Variants in RPRD1A observed in about 807,000 individuals in gnomAD.
RPRD1A encodes the protein regulation of nuclear pre-mRNA domain-containing protein 1A.
A neutral mutation model predicts 37.8 loss-of-function variants in RPRD1A; 9 were observed. The observed-to-expected ratio is 0.24, with a 90% CI of 0.14 to 0.42. The LOEUF (loss-of-function observed/expected upper bound fraction) is 0.42, where lower values mean the gene tolerates loss of function less well. RPRD1A is among the 10% of genes least tolerant of loss of function. The pLI is 1.00. For missense variants in RPRD1A, 255 were observed against 371.0 expected, an observed-to-expected ratio of 0.69 and a Z score of 2.57; for synonymous variants, 138 against 139.7, an observed-to-expected ratio of 0.99 and a Z score of 0.08.
At chr18:36,012,553 G>C (rs1041311996) in intron 6 of RPRD1A, among the ~76,000 whole-genome samples, 1 of 152,142 alleles carries the variant, frequency 6.6e-6, no homozygotes, top group Non-Finnish European at 1.5e-5. Context: ...ATACCATAAA[G>C]CCTCAGTGGG....
intron 1 of RPRD1A, among the ~76,000 whole-genome samples, chr18:36,035,706 T>C (rs1912138870): frequency 6.6e-6 from 1 of 152,174 alleles, no homozygotes; most frequent in African/African-American, 2.4e-5. Flanking sequence ...AACCCACTGA[T>C]CAATGAATAA....
intron 1 of RPRD1A, among the ~76,000 whole-genome samples, chr18:36,066,553 G>A (rs1432688880): frequency 6.6e-6 from 1 of 152,186 alleles, no homozygotes; most frequent in African/African-American, 2.4e-5. Context: ...GAATATTTTA[G>A]TGACAGACAT....
intron 1 of RPRD1A, among the ~76,000 whole-genome samples, chr18:36,049,684 CACT>C: frequency 6.6e-6 from 1 of 152,294 alleles, no homozygotes; most frequent in South Asian, 2.1e-4. Context: ...TGTATGTATA[CACT>C]ACATTATGTT....
chr18:36,050,189 G>A (rs972546639), intron 1 of RPRD1A, among the ~76,000 whole-genome samples: 6 of 151,576 alleles, frequency 4.0e-5, no homozygotes, highest in Admixed American at 2.0e-4. Flanking sequence ...TGTACTTAAC[G>A]CCACCGAACT....
Position 35,993,214 on chromosome 18 carries a change from C to A in RPRD1A, c.876G>T (p.Leu292Phe), listed in dbSNP as rs748368061. 1.2e-6 allele frequency: 2 copies of A among 1,614,166 alleles called. No homozygotes were observed. The highest frequency in any genetic ancestry group is 1.7e-6 in the Non-Finnish European group (2 of 1,180,012). Residue 292 changes from leucine to phenylalanine, a missense_variant, in exon 7 of 7, where the codon TTG becomes TTT. Leu to Phe is a conservative substitution (Grantham distance 22, BLOSUM62 0). Around this residue, in one of 2 missense-constraint regions of RPRD1A, gnomAD observed 211 missense variants for 268.9 expected, o/e 0.78. Transcript: ENST00000399022. ...RIQSLPDLSR[L>F]PNVTGSHMHL... ...GCATGTGGCTGCCAGTGACATTGGG[C>A]AATCGAGATAAGTCTGGCAGGCTCT...
chr18:36,026,303 G>A (rs2144270808), intron 6 of RPRD1A: 1 of 152,458 alleles, frequency 6.6e-6, no homozygotes, highest in East Asian at 1.9e-4. Flanking sequence ...TCTGGCTCAT[G>A]TATCCCTAAC....
rs1003280366 is a variant in RPRD1A, at chr18:35,997,731, G to A, written c.790-4431C>T. Among the ~76,000 whole-genome samples, 7 of 151,754 alleles carry A rather than the reference G, an allele frequency of 4.6e-5. No homozygotes were observed. The South Asian group carries it at 8.3e-4, about 18-fold the overall frequency. On this transcript the variant is annotated intron_variant, in intron 6 of 6. Transcript: ENST00000399022. ...AAAGCTACTTAAAGTTTTTAAATTGGGGCACAACATAAAACTCATAACTAT... is the reference window on the plus strand; with the variant it reads ...AAAGCTACTTAAAGTTTTTAAATTGAGGCACAACATAAAACTCATAACTAT...
chr18:36,042,433 A>C (rs1912646044), intron 1 of RPRD1A, among the ~76,000 whole-genome samples: 1 of 152,212 alleles, frequency 6.6e-6, no homozygotes, highest in South Asian at 2.1e-4. Flanking sequence ...CTGTGGCTTT[A>C]ATTACTTGTT....
intron 1 of RPRD1A, among the ~76,000 whole-genome samples, chr18:36,038,811 G>A (rs1912378559): frequency 6.6e-6 from 1 of 152,190 alleles, no homozygotes; most frequent in South Asian, 2.1e-4. Flanking sequence ...TGATTTTGGA[G>A]CTTTAAGGTT....
intron 1 of RPRD1A, among the ~76,000 whole-genome samples, chr18:36,058,020 T>C (rs1051028558): frequency 4.6e-5 from 7 of 152,220 alleles, no homozygotes; most frequent in African/African-American, 1.7e-4. Context: ...CAAGTATTTC[T>C]TGAATAAAGA....
At chr18:36,010,414 G>T (rs1174546592) in intron 6 of RPRD1A, among the ~76,000 whole-genome samples, 1 of 152,148 alleles carries the variant, frequency 6.6e-6, no homozygotes, top group Non-Finnish European at 1.5e-5. Context: ...GATTGCTTGA[G>T]CCCAGGAGCT....
At chr18:36,010,597 A>G (rs1052197945) in intron 6 of RPRD1A, among the ~76,000 whole-genome samples, 3 of 152,200 alleles carry the variant, frequency 2.0e-5, no homozygotes, top group Non-Finnish European at 4.4e-5. Context: ...TACAAAAGAG[A>G]GTGAAAATCT....
intron 6 of RPRD1A, among the ~76,000 whole-genome samples, chr18:36,022,769 C>G (rs535041752): frequency 7.3e-4 from 111 of 152,282 alleles, no homozygotes; most frequent in African/African-American, 2.6e-3. Flanking sequence ...CAAGACTAGC[C>G]TGGGCAACAC....
At chr18:36,008,571 G>GTATATATATATATATATATA (rs1359543093) in intron 6 of RPRD1A, among the ~76,000 whole-genome samples, 900 of 27,646 alleles carry the variant, frequency 0.033, 50 homozygotes, top group East Asian at 0.062. Context: ...GCAAGACCTT[G>GTATATATATATATATATATA]TGTGTGTATA....
intron 6 of RPRD1A, among the ~76,000 whole-genome samples, chr18:36,013,977 A>T (rs1370989442): frequency 1.3e-5 from 2 of 152,096 alleles, no homozygotes; most frequent in Non-Finnish European, 1.5e-5. Context: ...CAAGTCATGC[A>T]TTTTCAGTAT....
intron 6 of RPRD1A, among the ~76,000 whole-genome samples, chr18:36,023,341 A>G (rs535282144): frequency 6.6e-6 from 1 of 152,348 alleles, no homozygotes; most frequent in East Asian, 1.9e-4. Flanking sequence ...AGTGGTGAAA[A>G]TAACTGTAGA....
At chr18:36,047,197 G>A (rs1913020747) in intron 1 of RPRD1A, among the ~76,000 whole-genome samples, 2 of 148,682 alleles carry the variant, frequency 1.3e-5, no homozygotes, top group East Asian at 1.9e-4. Context: ...AACAGAGCAA[G>A]ACCCTGTCTC....
At chr18:36,040,859 C>A (rs1912532523) in intron 1 of RPRD1A, 1 of 1,516,604 alleles carries the variant, frequency 6.6e-7, no homozygotes, top group East Asian at 2.5e-5. Context: ...TTTGTTGCAC[C>A]TCCACTCTAA....
At chr18:36,019,040 A>T (rs958720898) in intron 6 of RPRD1A, among the ~76,000 whole-genome samples, 1 of 152,074 alleles carries the variant, frequency 6.6e-6, no homozygotes, top group Non-Finnish European at 1.5e-5. Context: ...AAGATGATAC[A>T]AGATGAGGTT....
Sources: gnomAD v4.1 joint callset for allele counts (sites outside exome capture counted in the v4.1 genomes callset) on GRCh38, gnomAD v4.1.1 for gene constraint, gnomAD v4.1.1 regional missense constraint, MANE v1.5 for transcripts, NCBI Gene and HGNC (gene_info 2026-07-23, HGNC 2026-07-21) for gene names.